The following CPAMD8 variants were observed in gnomAD, a reference collection of about 807,000 sequenced individuals.
CPAMD8 encodes the protein C3 and PZP like alpha-2-macroglobulin domain containing 8, also known as C3 and PZP-like alpha-2-macroglobulin domain-containing protein 8.
A neutral mutation model predicts 224.7 loss-of-function variants in CPAMD8; 146 were observed. That is an observed-to-expected ratio of 0.65 (90% confidence interval 0.57 to 0.75). CPAMD8 has a LOEUF of 0.75. Ranked by LOEUF, CPAMD8 falls within the 30% of genes least tolerant of loss-of-function variation. The pLI, the probability that CPAMD8 is intolerant of heterozygous loss-of-function variation, is 0.00. For missense variants in CPAMD8, 2,301 were observed against 2,537.5 expected (o/e 0.91, Z 2.00); for synonymous variants, 966 against 1,044.6 (o/e 0.92, Z 1.45).
chr19:16,909,605 C>T (rs2052648299), intron 29 of CPAMD8, among the ~76,000 whole-genome samples: 2 of 151,810 alleles, frequency 1.3e-5, no homozygotes, highest in African/African-American at 4.8e-5. Flanking sequence ...AATAGCCAGG[C>T]ATGGTGGCCC....
chr19:16,924,352 C>T (rs921736911), intron 26 of CPAMD8, among the ~76,000 whole-genome samples: 5 of 152,034 alleles, frequency 3.3e-5, no homozygotes, highest in African/African-American at 4.8e-5. Context: ...CCTGGAGGTA[C>T]AGGCTGTTAT....
chr19:17,013,182 C>CA lies in CPAMD8; in HGVS notation c.268-1426dup, dbSNP rs1030238736. Among the ~76,000 whole-genome samples the CA allele has an allele frequency of 4.2e-4, 64 of 150,686 alleles. 1 individual carries two copies. Among genetic ancestry groups the CA allele is most frequent in the Non-Finnish European group, 4.6e-4 (31 of 67,664 alleles). The stretch of plus-strand genomic sequence containing the variant: ...GGTGACAAGAGTGAAACTCCATCTC[C>CA]AAAAAAAATAAATAAACAAATAATA... On this transcript the variant is annotated intron_variant, in intron 3 of 41. Transcript: ENST00000443236.
chr19:16,973,495 C>T (rs1428346196), intron 17 of CPAMD8, among the ~76,000 whole-genome samples: 1 of 151,404 alleles, frequency 6.6e-6, no homozygotes, highest in Non-Finnish European at 1.5e-5. Flanking sequence ...ATTACAGGCG[C>T]CCACCACCAC....
chr19:17,007,099 C>T (rs1052800417), intron 7 of CPAMD8, among the ~76,000 whole-genome samples: 5 of 151,868 alleles, frequency 3.3e-5, no homozygotes, highest in Non-Finnish European at 7.4e-5. Context: ...TTTCCGAGGC[C>T]GAGGCGGGCG....
chr19:17,009,487 A>G (rs917270782), intron 5 of CPAMD8, 167 bp from the exon 6 acceptor site: 1 of 1,204,166 alleles, frequency 8.3e-7, no homozygotes, highest in Non-Finnish European at 1.1e-6. Context: ...TAGGGTCTTT[A>G]GAAAGACTCA....
intron 23 of CPAMD8, 90 bp from the exon 24 acceptor site, chr19:16,929,330 A>T: frequency 9.4e-7 from 1 of 1,065,920 alleles, no homozygotes; most frequent in South Asian, 1.5e-5. Flanking sequence ...CACCAGGACC[A>T]CAAGGAGTGG....
chr19:16,929,063 G>A lies in CPAMD8; in HGVS notation c.3023C>T (p.Thr1008Ile), dbSNP rs1375660077. 6.2e-7 allele frequency: 1 copy of A among 1,614,006 alleles called. No individual in the cohort carries two copies. The highest frequency in any genetic ancestry group is 2.2e-5 in the East Asian group (1 of 44,890). The change falls in exon 24 of 42, where the codon ACC becomes ATC. Residue 1008 changes from threonine to isoleucine, a missense_variant. By Grantham distance (89) the Thr-to-Ile change is moderately conservative. Coordinates refer to ENST00000443236, the MANE Select transcript of CPAMD8 (RefSeq NM_015692.5). ...IEIVLGGHQN[T>I]RSWISTSKMG... ...CTTGCTGGTGGAGATCCATGACCTG[G>A]TGTTCTGATGCCCCCCCAGGACGAT... is the stretch of plus-strand genomic sequence containing the variant.
At chr19:16,926,607 C>T (rs57755105) in intron 25 of CPAMD8, among the ~76,000 whole-genome samples, 7,204 of 152,280 alleles carry the variant, frequency 0.047, 530 homozygotes, top group African/African-American at 0.16. Context: ...TGAGCCACCA[C>T]GCCTGGCCCC....
rs544812460 is a variant in CPAMD8 at position 16,997,082 on chromosome 19, G to A, written c.1095+29C>T. On this transcript the variant is annotated intron_variant, in intron 11 of 41. Transcript: ENST00000443236. Reference sequence around the variant, plus strand: ...GGTGGTTTCACGGTGGTCCTTGGGCGGGAGGCAGCACAGTCACCCCCAAGT... The same window carrying A: ...GGTGGTTTCACGGTGGTCCTTGGGCAGGAGGCAGCACAGTCACCCCCAAGT... The A allele has an allele frequency of 7.2e-5, 103 of 1,431,662 alleles. 1 individual carries two copies. Among genetic ancestry groups the A allele is most frequent in the Middle Eastern group, 1.8e-4 (1 of 5,712 alleles). 88.7% of individuals were successfully genotyped at this position (1,431,662 alleles called of 1,614,324 possible). A position where few individuals can be genotyped will look rare whatever the true frequency, so the allele number is the denominator to read the frequency against.
At chr19:17,009,719 A>G (rs2056596507) in intron 5 of CPAMD8, among the ~76,000 whole-genome samples, 1 of 151,786 alleles carries the variant, frequency 6.6e-6, no homozygotes, top group Non-Finnish European at 1.5e-5. Context: ...GCTTGCAGTG[A>G]GCGGAGATTG....
At position 16,904,330 on chromosome 19, in the gene CPAMD8, C is replaced by CA; in HGVS notation, c.4146_4147insT (p.Ala1383CysfsTer10). 1 of 1,613,792 alleles carries CA rather than the reference C, an allele frequency of 6.2e-7. No homozygotes were observed. The highest frequency in any genetic ancestry group is 1.7e-5 in the Admixed American group (1 of 60,008). On this transcript the variant is annotated frameshift_variant, in exon 32 of 42. Transcript: ENST00000443236. LOFTEE classifies it high-confidence loss of function. ...CCCAGCAGAGTGTAGGTCAGAAGGG[C>CA]GTAGGCTGTCATTTCCACCTCGGCC...
chr19:16,967,028 ACACATG>A (rs2054850255), intron 18 of CPAMD8, among the ~76,000 whole-genome samples: 1 of 152,168 alleles, frequency 6.6e-6, no homozygotes, highest in African/African-American at 2.4e-5. Context: ...TACTATAAAG[ACACATG>A]CACACGTATG....
In CPAMD8 at chr19:16,896,219, C is replaced by T. The variant is rs1432653139; in HGVS notation, c.5383G>A (p.Val1795Met). The T allele has an allele frequency of 1.2e-6, 2 of 1,613,882 alleles. No homozygotes were observed. Among genetic ancestry groups the T allele is most frequent in the East Asian group, 2.2e-5 (1 of 44,858 alleles). Residue 1795 changes from valine to methionine, a missense_variant, in exon 41 of 42, where the codon GTG becomes ATG. By Grantham distance (21) the Val-to-Met change is conservative (BLOSUM62 1). Transcript: ENST00000443236. Reference protein sequence around the residue: ...DVKLNGAGLEVEDSDPEPEGE... With the variant: ...DVKLNGAGLEMEDSDPEPEGE... ...TCAGGCTCAGGGTCTGAGTCCTCCA[C>T]CTCAAGGCCGGCTCCATTCAGCTTC...
Position 16,903,190 on chromosome 19 carries a change from C to T in CPAMD8, c.4471-327G>A, listed in dbSNP as rs1009964097. On this transcript the variant is annotated intron_variant, in intron 34 of 41. Transcript: ENST00000443236. ...AAACGGAGGCTAGCGAGAGTCATCG[C>T]GGGAAACTTGCCCTCTGACTGCCAG... is the stretch of plus-strand genomic sequence containing the variant. Among the ~76,000 whole-genome samples, 15 of 152,048 alleles carry T rather than the reference C, an allele frequency of 9.9e-5. No homozygotes were observed. The East Asian group carries it at 1.4e-3, about 14-fold the overall frequency.
At position 16,927,544 on chromosome 19, in the gene CPAMD8, C is replaced by T. The variant is rs142118513; in HGVS notation, c.3370+465G>A. On this transcript the variant is annotated intron_variant, in intron 25 of 41. Coordinates refer to ENST00000443236, the MANE Select transcript of CPAMD8 (RefSeq NM_015692.5). ...TGCTTCCAATGTCCCTAGTCAGAGCCTCTCACCCCTACTCAGCAACTGCTC... is the reference window on the plus strand; with the variant it reads ...TGCTTCCAATGTCCCTAGTCAGAGCTTCTCACCCCTACTCAGCAACTGCTC... Among the ~76,000 whole-genome samples the T allele has an allele frequency of 1.5e-3, 236 of 152,260 alleles. 1 individual carries two copies. Among genetic ancestry groups the T allele is most frequent in the East Asian group, 1.5e-3 (8 of 5,172 alleles).
At chr19:16,902,013 G>A (rs16981474) in intron 35 of CPAMD8, among the ~76,000 whole-genome samples, 424 of 152,184 alleles carry the variant, frequency 2.8e-3, no homozygotes, top group African/African-American at 9.3e-3. Context: ...TCGCCATGGT[G>A]ACAAGCATCC....
intron 29 of CPAMD8, among the ~76,000 whole-genome samples, chr19:16,914,139 A>G (rs1468378933): frequency 6.6e-6 from 1 of 152,154 alleles, no homozygotes. Flanking sequence ...AAGGAGGTCT[A>G]GGGGCTGTGG....
intron 20 of CPAMD8, among the ~76,000 whole-genome samples, chr19:16,947,643 T>C (rs1220711654): frequency 6.6e-6 from 1 of 152,184 alleles, no homozygotes; most frequent in Non-Finnish European, 1.5e-5. Flanking sequence ...TGCAGCTCCA[T>C]GATGTCAGAG....
At chr19:16,929,795 G>C (rs2053492888) in intron 23 of CPAMD8, among the ~76,000 whole-genome samples, 2 of 152,186 alleles carry the variant, frequency 1.3e-5, no homozygotes, top group Admixed American at 6.5e-5. Context: ...AGGCTGAAGA[G>C]AGAAACAAAA....
Sources: allele counts gnomAD v4.1 joint callset (sites outside exome capture counted in the v4.1 genomes callset), GRCh38; gene constraint gnomAD v4.1.1; transcripts MANE v1.5; gene names NCBI Gene and HGNC (gene_info 2026-07-23, HGNC 2026-07-21).